Variants in CTNNA3 observed in about 807,000 individuals in gnomAD.
The protein encoded by CTNNA3 is catenin alpha 3.
In CTNNA3, 76 loss-of-function variants were observed where a neutral mutation model predicts 95.7. The observed-to-expected ratio is 0.79, with a 90% CI of 0.66 to 0.96. The LOEUF (loss-of-function observed/expected upper bound fraction) is 0.96. Among genes scored for constraint, CTNNA3 ranks in the 40% least tolerant of loss-of-function variants. The pLI is 0.00. For synonymous variants in CTNNA3, 431 were observed against 374.4 expected (o/e 1.15, Z -1.74); for missense variants, 1,191 against 1,089.8 (o/e 1.09, Z -1.31).
At position 66,597,507 on chromosome 10, in the gene CTNNA3, CATACATATATAT is replaced by C. The variant is rs1373004247; in HGVS notation, c.1374+24173_1374+24184del. Among the ~76,000 whole-genome samples, 414 of 79,616 alleles carry C rather than the reference CATACATATATAT, an allele frequency of 5.2e-3. 4 individuals carry two copies. The highest frequency in any genetic ancestry group is 6.9e-3 in the Non-Finnish European group (283 of 40,926). The allele number at this position is 79,616 out of a possible 152,430, so 52.2% of individuals were successfully genotyped here. A position where few individuals can be genotyped will look rare whatever the true frequency, so the allele number is the denominator to read the frequency against. On this transcript the variant is annotated intron_variant, in intron 10 of 17. Transcript: ENST00000433211. ...GCCTGGTCAACATGGCATTTTATTT[CATACATATATAT>C]ATATATATATATATATATATATATA...
At chr10:67,535,558 T>G (rs189736118) in intron 4 of CTNNA3, among the ~76,000 whole-genome samples, 4 of 152,224 alleles carry the variant, frequency 2.6e-5, no homozygotes, top group Non-Finnish European at 5.9e-5. Context: ...AAAATCAATA[T>G]GAACCAACAA....
At chr10:66,590,182 A>G (rs1843501445) in intron 10 of CTNNA3, among the ~76,000 whole-genome samples, 1 of 152,098 alleles carries the variant, frequency 6.6e-6, no homozygotes, top group Admixed American at 6.6e-5. Context: ...AGAATATTAA[A>G]TCTAGAAGGA....
At chr10:66,473,615 A>C (rs1040339885) in intron 11 of CTNNA3, among the ~76,000 whole-genome samples, 1 of 151,810 alleles carries the variant, frequency 6.6e-6, no homozygotes, top group African/African-American at 2.4e-5. Flanking sequence ...TGCTGCACCC[A>C]TTAACTCGTC....
chr10:67,755,675 G>A (rs1487915164), intron 1 of CTNNA3, among the ~76,000 whole-genome samples: 4 of 151,480 alleles, frequency 2.6e-5, no homozygotes, highest in Non-Finnish European at 4.4e-5. Context: ...GGTGGCACAC[G>A]CCTGTGATCC....
intron 13 of CTNNA3, among the ~76,000 whole-genome samples, chr10:66,168,299 G>A (rs991625861): frequency 1.1e-4 from 16 of 151,994 alleles, no homozygotes; most frequent in East Asian, 7.7e-4. Flanking sequence ...CAATGCCACC[G>A]TTTCTAGTAG....
chr10:66,302,739 C>T (rs1461147630), intron 12 of CTNNA3, among the ~76,000 whole-genome samples: 1 of 151,926 alleles, frequency 6.6e-6, no homozygotes, highest in African/African-American at 2.4e-5. Context: ...TCTGTAAACA[C>T]AAAATTATTT....
chr10:66,292,478 A>G (rs2091699561), intron 12 of CTNNA3, among the ~76,000 whole-genome samples: 1 of 152,262 alleles, frequency 6.6e-6, no homozygotes, highest in Non-Finnish European at 1.5e-5. Context: ...GTTGCTGTGA[A>G]TTTCGTGTAG....
chr10:66,569,310 T>G (rs771330874), intron 10 of CTNNA3, among the ~76,000 whole-genome samples: 6 of 152,158 alleles, frequency 3.9e-5, no homozygotes, highest in Non-Finnish European at 8.8e-5. Context: ...TTTCTTTCAT[T>G]GGGACAAACA....
At chr10:66,299,501 A>G (rs1267593153) in intron 12 of CTNNA3, among the ~76,000 whole-genome samples, 1 of 152,218 alleles carries the variant, frequency 6.6e-6, no homozygotes. Context: ...GTTAATTCCA[A>G]TGAACCATGC....
intron 13 of CTNNA3, among the ~76,000 whole-genome samples, chr10:66,115,650 C>T (rs1453784942): frequency 1.4e-5 from 2 of 147,978 alleles, no homozygotes; most frequent in African/African-American, 5.0e-5. Context: ...TAAACTGACA[C>T]GATGTCTTTT....
At chr10:67,206,767 A>G (rs1863919129) in intron 6 of CTNNA3, among the ~76,000 whole-genome samples, 1 of 151,954 alleles carries the variant, frequency 6.6e-6, no homozygotes, top group Non-Finnish European at 1.5e-5. Flanking sequence ...AGGACTCTAG[A>G]ATTCAGTCTC....
At chr10:66,254,202 A>G (rs1047834109) in intron 13 of CTNNA3, among the ~76,000 whole-genome samples, 8 of 152,216 alleles carry the variant, frequency 5.3e-5, no homozygotes, top group Non-Finnish European at 1.0e-4. Flanking sequence ...ACCATCAAGC[A>G]GGCCATCCAG....
intron 14 of CTNNA3, among the ~76,000 whole-genome samples, chr10:66,088,485 T>TTGTGTGTGTGTG (rs3074377): frequency 3.7e-4 from 52 of 139,656 alleles, no homozygotes; most frequent in Middle Eastern, 3.6e-3. Context: ...GGTAGGTGTT[T>TTGTGTGTGTGTG]TGTGTGTGTG....
intron 13 of CTNNA3, among the ~76,000 whole-genome samples, chr10:66,199,805 A>ATATATATT (rs1564756586): frequency 2.1e-4 from 3 of 14,280 alleles, no homozygotes; most frequent in Non-Finnish European, 3.3e-4. Context: ...ATATATATAT[A>ATATATATT]TTTTTTTTTT....
intron 6 of CTNNA3, among the ~76,000 whole-genome samples, chr10:67,189,330 A>G (rs1486864594): frequency 6.6e-6 from 1 of 152,102 alleles, no homozygotes; most frequent in Non-Finnish European, 1.5e-5. Flanking sequence ...GGGCAGGGAC[A>G]GGATTCAGGA....
At chr10:66,253,410 A>C (rs535777958) in intron 13 of CTNNA3, among the ~76,000 whole-genome samples, 1 of 152,056 alleles carries the variant, frequency 6.6e-6, no homozygotes, top group East Asian at 1.9e-4. Context: ...ATTAGATCTC[A>C]AGGTTCATTT....
intron 17 of CTNNA3, among the ~76,000 whole-genome samples, chr10:65,947,183 C>T (rs1336570328): frequency 6.6e-6 from 1 of 150,488 alleles, no homozygotes; most frequent in African/African-American, 2.4e-5. Context: ...CATTATTCTT[C>T]CTCAAAGCCT....
intron 11 of CTNNA3, among the ~76,000 whole-genome samples, chr10:66,429,186 C>A (rs7392948): frequency 4.2e-4 from 64 of 152,100 alleles, no homozygotes; most frequent in African/African-American, 1.5e-3. Context: ...CACATACACC[C>A]TCCCAAGACT....
At chr10:67,516,639 T>G (rs4116035) in intron 5 of CTNNA3, among the ~76,000 whole-genome samples, 30,799 of 152,144 alleles carry the variant, frequency 0.2, 4,215 homozygotes, top group East Asian at 0.67. Context: ...TATACACATT[T>G]TGTAATGACT....
Sources: allele counts gnomAD v4.1 joint callset (sites outside exome capture counted in the v4.1 genomes callset), GRCh38; gene constraint gnomAD v4.1.1; transcripts MANE v1.5; gene names NCBI Gene and HGNC (gene_info 2026-07-23, HGNC 2026-07-21).